Variants in KIF27 observed in about 807,000 individuals in gnomAD.
KIF27 encodes the protein kinesin-like protein KIF27.
KIF27 carries 84 observed loss-of-function variants against 141.8 expected under a neutral mutation model. That is an observed-to-expected ratio of 0.59 (90% CI 0.50 to 0.71). The LOEUF (loss-of-function observed/expected upper bound fraction) is 0.71. KIF27 is among the 30% of genes least tolerant of loss of function. KIF27 has a pLI of 0.00. For synonymous variants in KIF27, 471 were observed against 569.5 expected (o/e 0.83, Z 2.46); for missense variants, 1,306 against 1,628.4 (o/e 0.80, Z 3.41).
chr9:83,886,909 C>T (rs1424378699), intron 9 of KIF27, 132 bp downstream of exon 9: 2 of 999,966 alleles, frequency 2.0e-6, no homozygotes, highest in Non-Finnish European at 2.7e-6. Context: ...GGCCTAAAAA[C>T]TCACCTTGTT....
At chr9:83,898,914 C>G (rs967983344) in intron 5 of KIF27, 2 of 152,424 alleles carry the variant, frequency 1.3e-5, no homozygotes, top group African/African-American at 4.8e-5. Flanking sequence ...TGTGATTGTG[C>G]CAGTGCACAC....
In KIF27 at chr9:83,850,312, T is replaced by G. The variant is rs1948398097; in HGVS notation, c.3358-15A>C. ...AAATTCACCACCTAACAAATACATA[T>G]TTTGACCTGTTAAGTGTGTCTTAGA... On this transcript the variant is annotated splice_polypyrimidine_tract_variant and intron_variant, in intron 15 of 17. Coordinates refer to ENST00000297814, the MANE Select transcript of KIF27 (RefSeq NM_017576.4). 7.1e-6 allele frequency: 11 copies of G among 1,559,864 alleles called. No homozygotes were observed. The East Asian group carries it at 2.5e-4, about 35-fold the overall frequency.
intron 10 of KIF27, among the ~76,000 whole-genome samples, chr9:83,882,434 TA>T (rs1951755465): frequency 6.6e-6 from 1 of 152,218 alleles, no homozygotes; most frequent in Non-Finnish European, 1.5e-5. Flanking sequence ...CTGACTGAGT[TA>T]TTTTACCTTT....
At chr9:83,884,898 T>C (rs1265269693) in intron 9 of KIF27, among the ~76,000 whole-genome samples, 1 of 152,192 alleles carries the variant, frequency 6.6e-6, no homozygotes, top group Non-Finnish European at 1.5e-5. Context: ...TCTTTTCTTA[T>C]TAATATATAG....
In KIF27 at chr9:83,853,508, T is replaced by G. The variant is rs1948840659; in HGVS notation, c.3357+121A>C. 2.1e-5 allele frequency: 14 copies of G among 666,952 alleles called. No individual in the cohort carries two copies. The East Asian group carries it at 3.8e-4, about 18-fold the overall frequency. 41.3% of individuals were successfully genotyped at this position (666,952 alleles called of 1,614,324 possible). ...CTATAAAGAGAAATCATGCTTAAAT[T>G]TGTAGTTACATCATCAAATCTTTAA... On this transcript the variant is annotated intron_variant, in intron 15 of 17. Transcript: ENST00000297814.
chr9:83,896,577 C>G (rs1307478768), intron 5 of KIF27, among the ~76,000 whole-genome samples: 1 of 152,042 alleles, frequency 6.6e-6, no homozygotes, highest in Non-Finnish European at 1.5e-5. Context: ...TAAAGGAAAT[C>G]TAAGTAAATG....
chr9:83,909,933 G>A (rs1954967788), intron 2 of KIF27, among the ~76,000 whole-genome samples: 1 of 152,034 alleles, frequency 6.6e-6, no homozygotes, highest in South Asian at 2.1e-4. Context: ...GCATCGTGTT[G>A]CATGCCTATG....
In KIF27 at chr9:83,870,648, T is replaced by G. The variant is rs751846243; in HGVS notation, c.2644-16A>C. 1 of 1,612,622 alleles carries G rather than the reference T, an allele frequency of 6.2e-7. No individual in the cohort carries two copies. Among genetic ancestry groups the G allele is most frequent in the Non-Finnish European group, 8.5e-7 (1 of 1,179,322 alleles). ...ATTGTATTTCCTATAGAAAAAGAAA[T>G]TGAAAACACCTTATTGCTTTTACAC... On this transcript the variant is annotated splice_polypyrimidine_tract_variant and intron_variant, in intron 11 of 17. Transcript: ENST00000297814.
intron 2 of KIF27, among the ~76,000 whole-genome samples, chr9:83,910,052 TAA>T (rs1954982113): frequency 2.7e-5 from 3 of 110,376 alleles, no homozygotes; most frequent in Non-Finnish European, 5.7e-5. Context: ...ACCCTTTCTC[TAA>T]ATACATACAT....
At chr9:83,881,300 A>G (rs114104228) in intron 10 of KIF27, among the ~76,000 whole-genome samples, 128 of 152,384 alleles carry the variant, frequency 8.4e-4, no homozygotes, top group African/African-American at 2.9e-3. Flanking sequence ...AAACTTGTAT[A>G]ATGTGATTAG....
At chr9:83,848,123 C>A (rs190669409) in intron 16 of KIF27, among the ~76,000 whole-genome samples, 1,055 of 36,316 alleles carry the variant, frequency 0.029, 328 homozygotes, top group East Asian at 0.04. Context: ...TCTGATATAT[C>A]TGATATCTCA....
intron 5 of KIF27, among the ~76,000 whole-genome samples, chr9:83,895,093 T>C (rs1953055843): frequency 7.7e-6 from 1 of 129,852 alleles, no homozygotes; most frequent in Non-Finnish European, 1.7e-5. Flanking sequence ...CCACTAAAAA[T>C]GCAAAAAAAA....
At position 83,848,114 on chromosome 9, in the gene KIF27, CTGATATATCTGATATCTCATATA is replaced by C. The variant is rs1564283869; in HGVS notation, c.3556+1962_3556+1984del. Among the ~76,000 whole-genome samples, 83 of 31,852 alleles carry C rather than the reference CTGATATATCTGATATCTCATATA, an allele frequency of 2.6e-3. 25 individuals carry two copies. The highest frequency in any genetic ancestry group is 6.9e-3 in the East Asian group (13 of 1,894). 20.9% of individuals were successfully genotyped at this position (31,852 alleles called of 152,430 possible). Reference sequence around the variant, plus strand: ...ATATGATATATATGATATCTCATATCTGATATATCTGATATCTCATATATGATATATCTGATATATCATATATG... The same window carrying C: ...ATATGATATATATGATATCTCATATCTGATATATCTGATATATCATATATG... On this transcript the variant is annotated intron_variant, in intron 16 of 17. Coordinates refer to ENST00000297814, the MANE Select transcript of KIF27 (RefSeq NM_017576.4).
In KIF27 at chr9:83,867,710, C is replaced by T; in HGVS notation, c.2908G>A (p.Glu970Lys). 8 of 1,600,986 alleles carry T rather than the reference C, an allele frequency of 5.0e-6. No individual in the cohort carries two copies. The highest frequency in any genetic ancestry group is 6.8e-6 in the Non-Finnish European group (8 of 1,176,712). ...TGACTAGATCTCAATTTCTTATTTT[C>T]CAGGTGACTCTTCTCCTGTAACAGA... ...EALLQEKSHL[E>K]NKKLRSSQAL... The change falls in exon 13 of 18, where the codon GAA becomes AAA. Residue 970 changes from glutamate to lysine, a missense_variant. This residue lies in a region of KIF27 where 596 missense variants were observed against 751.6 expected (regional missense o/e 0.79). Transcript: ENST00000297814.
At position 83,908,458 on chromosome 9, in the gene KIF27, T is replaced by C. The variant is rs775041607; in HGVS notation, c.493A>G (p.Asn165Asp). 2 of 1,602,722 alleles carry C rather than the reference T, an allele frequency of 1.2e-6. No individual in the cohort carries two copies. Among genetic ancestry groups the C allele is most frequent in the Admixed American group, 3.4e-5 (2 of 59,226 alleles). Residue 165 changes from asparagine to aspartate, a missense_variant, in exon 3 of 18, where the codon AAC becomes GAC. Asn to Asp is a conservative substitution (Grantham distance 23, BLOSUM62 1). This residue lies in a region of KIF27 where 533 missense variants were observed against 565.6 expected (regional missense o/e 0.94). Transcript: ENST00000297814. ...DLHIREDEKG[N>D]TVIVGAKECH... ...ATTAAGTGTGCTACTTTACCTGTGTTTCCTTTTTCATCTTCTCGGATGTGA... is the reference window on the plus strand; with the variant it reads ...ATTAAGTGTGCTACTTTACCTGTGTCTCCTTTTTCATCTTCTCGGATGTGA...
intron 5 of KIF27, 81 bp from the exon 6 acceptor site, chr9:83,891,582 G>T: frequency 7.8e-7 from 1 of 1,281,758 alleles, no homozygotes; most frequent in South Asian, 1.4e-5. Context: ...ATTTTACATT[G>T]ACCAAAATCA....
At chr9:83,846,776 C>T (rs1947335073) in intron 16 of KIF27, among the ~76,000 whole-genome samples, 1 of 152,106 alleles carries the variant, frequency 6.6e-6, no homozygotes, top group Non-Finnish European at 1.5e-5. Context: ...GTCTTTGTTT[C>T]AGAGGAAGAA....
chr9:83,858,131 C>T (rs1389628273), intron 14 of KIF27, among the ~76,000 whole-genome samples: 1 of 152,100 alleles, frequency 6.6e-6, no homozygotes, highest in Non-Finnish European at 1.5e-5. Flanking sequence ...GACAGCCTGG[C>T]TCTCTGTTCC....
chr9:83,918,964 T>A (rs1955980469), intron 1 of KIF27, among the ~76,000 whole-genome samples: 1 of 151,884 alleles, frequency 6.6e-6, no homozygotes, highest in Non-Finnish European at 1.5e-5. Context: ...TAATCCCAGC[T>A]ACTAGGGAAG....
Sources: allele counts gnomAD v4.1 joint callset (sites outside exome capture counted in the v4.1 genomes callset), GRCh38; gene constraint gnomAD v4.1.1; regional missense constraint gnomAD v4.1.1; transcripts MANE v1.5; gene names NCBI Gene and HGNC (gene_info 2026-07-23, HGNC 2026-07-21).